KIF26B: variants seen among roughly 807,000 people sequenced by gnomAD.
KIF26B encodes kinesin family member 26B, also known as kinesin-like protein KIF26B.
A neutral mutation model predicts 151.2 loss-of-function variants in KIF26B; 63 were observed. The ratio of observed to expected loss-of-function variants is 0.42; its 90% CI spans 0.34 to 0.51. The LOEUF (loss-of-function observed/expected upper bound fraction) is 0.51. KIF26B is among the 20% of genes least tolerant of loss of function. The pLI is 0.07. For missense variants in KIF26B, 2,813 were observed against 2,913.6 expected (o/e 0.97, Z 0.79); for synonymous variants, 1,357 against 1,262.1 (o/e 1.08, Z -1.59).
intron 2 of KIF26B, among the ~76,000 whole-genome samples, chr1:245,165,127 G>T (rs1271802120): frequency 1.3e-5 from 2 of 151,930 alleles, no homozygotes; most frequent in Non-Finnish European, 2.9e-5. Flanking sequence ...TGGAAGAGTG[G>T]TGTCACCGAG....
rs1287852842 is a variant in KIF26B, at chr1:245,678,872, A to G, written c.2259-5361A>G. ...GGCAAGACTTCGTCTCAAAAAAGAA[A>G]AAAAAAAAAGCAAGACAAAAACTCT... On this transcript the variant is annotated intron_variant, in intron 10 of 14. Transcript: ENST00000407071. Among the ~76,000 whole-genome samples the G allele has an allele frequency of 3.1e-3, 473 of 151,288 alleles. 11 individuals are homozygous for G. Among genetic ancestry groups the G allele is most frequent in the Admixed American group, 0.029 (438 of 15,226 alleles).
At chr1:245,271,597 T>A (rs1670857504) in intron 2 of KIF26B, among the ~76,000 whole-genome samples, 1 of 151,282 alleles carries the variant, frequency 6.6e-6, no homozygotes, top group African/African-American at 2.4e-5. Context: ...TTTTTTTTTT[T>A]ACATATTTTG....
intron 2 of KIF26B, among the ~76,000 whole-genome samples, chr1:245,243,964 G>A (rs1033611264): frequency 7.9e-5 from 12 of 152,122 alleles, no homozygotes; most frequent in Non-Finnish European, 1.8e-4. Flanking sequence ...TTTTGAGACA[G>A]GGTCTCACTC....
At chr1:245,163,274 T>A (rs1260114364) in intron 2 of KIF26B, among the ~76,000 whole-genome samples, 1 of 152,148 alleles carries the variant, frequency 6.6e-6, no homozygotes, top group Non-Finnish European at 1.5e-5. Context: ...CACAAGTAGC[T>A]GGAAATACAG....
chr1:245,442,089 A>G (rs1212968125), intron 4 of KIF26B, among the ~76,000 whole-genome samples: 1 of 152,212 alleles, frequency 6.6e-6, no homozygotes, highest in African/African-American at 2.4e-5. Flanking sequence ...GTATTTCATT[A>G]ATCCTGACAA....
At chr1:245,186,042 T>G (rs976448421) in intron 2 of KIF26B, among the ~76,000 whole-genome samples, 3 of 151,954 alleles carry the variant, frequency 2.0e-5, no homozygotes, top group Non-Finnish European at 4.4e-5. Context: ...GTCCAGCTAA[T>G]TTTTGTATTT....
At chr1:245,638,497 C>T (rs1209438118) in intron 9 of KIF26B, among the ~76,000 whole-genome samples, 3 of 151,800 alleles carry the variant, frequency 2.0e-5, no homozygotes, top group South Asian at 2.1e-4. Flanking sequence ...ATTGTGCTGG[C>T]TAGGAATTCT....
chr1:245,507,413 G>A (rs1002992426), intron 4 of KIF26B, among the ~76,000 whole-genome samples: 1 of 152,230 alleles, frequency 6.6e-6, no homozygotes, highest in Non-Finnish European at 1.5e-5. Context: ...GGAAGCGCTG[G>A]AGCATAAATG....
At chr1:245,484,956 T>C (rs1221094409) in intron 4 of KIF26B, among the ~76,000 whole-genome samples, 1 of 151,646 alleles carries the variant, frequency 6.6e-6, no homozygotes, top group Non-Finnish European at 1.5e-5. Context: ...GAAATAGAAA[T>C]AAACACAACA....
At chr1:245,682,222 G>A (rs550443200) in intron 10 of KIF26B, among the ~76,000 whole-genome samples, 1 of 152,290 alleles carries the variant, frequency 6.6e-6, no homozygotes, top group Admixed American at 6.5e-5. Context: ...TCCAGCCTGG[G>A]CAACAGAGCA....
In KIF26B at chr1:245,688,055, T is replaced by A. The variant is rs1195460781; in HGVS notation, c.5072T>A (p.Val1691Glu). 6.4e-7 allele frequency: 1 copy of A among 1,553,940 alleles called. No homozygotes were observed. The highest frequency in any genetic ancestry group is 8.7e-7 in the Non-Finnish European group (1 of 1,149,290). Residue 1691 changes from valine to glutamate, a missense_variant, in exon 12 of 15, where the codon GTG becomes GAG. Coordinates refer to ENST00000407071, the MANE Select transcript of KIF26B (RefSeq NM_018012.4). The stretch of plus-strand genomic sequence containing the variant: ...GAGCGGGCCGAGAGCCTGTCCTCCG[T>A]GAGCTCCCGGCTGCACGCGGGCAAG... The part of the protein sequence containing the change: ...SLERAESLSS[V>E]SSRLHAGKDG...
intron 2 of KIF26B, among the ~76,000 whole-genome samples, chr1:245,206,291 C>T (rs578020376): frequency 3.9e-4 from 59 of 152,228 alleles, no homozygotes; most frequent in Non-Finnish European, 7.1e-4. Context: ...GAAGCCTCAG[C>T]TGTCACTGCA....
chr1:245,161,740 C>T (rs551022734), intron 2 of KIF26B, among the ~76,000 whole-genome samples: 1 of 152,224 alleles, frequency 6.6e-6, no homozygotes, highest in South Asian at 2.1e-4. Context: ...TAGAAGGAAG[C>T]ATGAAGAAAA....
chr1:245,599,143 C>G (rs770812891), intron 5 of KIF26B, among the ~76,000 whole-genome samples: 1 of 152,146 alleles, frequency 6.6e-6, no homozygotes. Context: ...GTCCGAGGGA[C>G]TTTCTTGATC....
chr1:245,302,046 C>T (rs537042516), intron 2 of KIF26B, among the ~76,000 whole-genome samples: 1 of 152,312 alleles, frequency 6.6e-6, no homozygotes, highest in Non-Finnish European at 1.5e-5. Context: ...TAGCAGGGTC[C>T]ATAAACTCTA....
chr1:245,545,242 C>T (rs1383645792), intron 5 of KIF26B, among the ~76,000 whole-genome samples: 1 of 152,100 alleles, frequency 6.6e-6, no homozygotes, highest in Non-Finnish European at 1.5e-5. Context: ...GCTGGGATTA[C>T]AGGCATGCGC....
At chr1:245,660,661 TCTCATCTTAAGGTGG>T (rs1159223472) in intron 10 of KIF26B, among the ~76,000 whole-genome samples, 2 of 152,118 alleles carry the variant, frequency 1.3e-5, no homozygotes, top group Non-Finnish European at 2.9e-5. Flanking sequence ...ATTCTTTATT[TCTCATCTTAAGGTGG>T]CTACTTAGCT....
intron 10 of KIF26B, among the ~76,000 whole-genome samples, chr1:245,653,305 T>C (rs2044039487): frequency 6.6e-6 from 1 of 152,178 alleles, no homozygotes; most frequent in Non-Finnish European, 1.5e-5. Context: ...TAGAAGTTCC[T>C]AATTCGTGGA....
At chr1:245,317,095 T>C (rs1386374762) in intron 2 of KIF26B, among the ~76,000 whole-genome samples, 1 of 152,242 alleles carries the variant, frequency 6.6e-6, no homozygotes, top group African/African-American at 2.4e-5. Flanking sequence ...TGTGCTTTAC[T>C]GTTCAACAAG....
Sources: gnomAD v4.1 joint callset for allele counts (sites outside exome capture counted in the v4.1 genomes callset) on GRCh38, gnomAD v4.1.1 for gene constraint, MANE v1.5 for transcripts, NCBI Gene and HGNC (gene_info 2026-07-23, HGNC 2026-07-21) for gene names.